Variants in HOOK1 observed in about 807,000 individuals in gnomAD.
HOOK1 encodes the protein protein Hook homolog 1.
In HOOK1, 60 loss-of-function variants were observed where a neutral mutation model predicts 112.8. That is an observed-to-expected ratio of 0.53 (90% confidence interval 0.43 to 0.66). The LOEUF is 0.66. Among genes scored for constraint, HOOK1 ranks in the 30% least tolerant of loss-of-function variants. HOOK1 has a pLI of 0.00. For synonymous variants in HOOK1, 294 were observed against 283.8 expected (o/e 1.04, Z -0.36); for missense variants, 770 against 856.0 (o/e 0.90, Z 1.25).
At chr1:59,840,419 A>G in intron 8 of HOOK1, 28 bp downstream of exon 8, 1 of 1,427,562 alleles carries the variant, frequency 7.0e-7, no homozygotes, top group Non-Finnish European at 9.4e-7. Flanking sequence ...GAGCTGAGAA[A>G]AACTTCCTCT....
chr1:59,854,916 A>G (rs1167914698), intron 12 of HOOK1, among the ~76,000 whole-genome samples: 1 of 152,208 alleles, frequency 6.6e-6, no homozygotes. Flanking sequence ...CAAGATATAC[A>G]AAGAAACAGG....
At chr1:59,854,670 GCTC>G (rs1411022080) in intron 12 of HOOK1, among the ~76,000 whole-genome samples, 1 of 152,002 alleles carries the variant, frequency 6.6e-6, no homozygotes, top group Non-Finnish European at 1.5e-5. Flanking sequence ...TCTTATTAAG[GCTC>G]CTTTTAAGTG....
At chr1:59,854,829 G>C (rs528495760) in intron 12 of HOOK1, among the ~76,000 whole-genome samples, 3 of 152,120 alleles carry the variant, frequency 2.0e-5, no homozygotes, top group African/African-American at 7.2e-5. Context: ...GTAGATTGAT[G>C]ATCCAAGGTT....
intron 2 of HOOK1, among the ~76,000 whole-genome samples, chr1:59,822,318 A>G (rs1037258917): frequency 2.0e-5 from 3 of 152,152 alleles, no homozygotes; most frequent in Admixed American, 6.5e-5. Flanking sequence ...CCGTGCATGG[A>G]GATTATTATC....
intron 15 of HOOK1, 51 bp from the exon 16 acceptor site, chr1:59,862,733 A>G (rs1463006326): frequency 3.6e-6 from 4 of 1,102,754 alleles, no homozygotes; most frequent in Non-Finnish European, 5.5e-6. Flanking sequence ...TAGATCCTTA[A>G]CTGCTTTGAC....
Position 59,821,903 on chromosome 1 carries a change from C to A in HOOK1, c.109C>A (p.Leu37Met). 6.2e-7 allele frequency: 1 copy of A among 1,608,898 alleles called. No individual in the cohort carries two copies. Among genetic ancestry groups the A allele is most frequent in the Non-Finnish European group, 8.5e-7 (1 of 1,178,174 alleles). The change falls in exon 2 of 22, where the codon CTG (leucine) becomes ATG (methionine). Residue 37 changes from leucine to methionine, a missense_variant. This residue lies in a region of HOOK1 where 655 missense variants were observed against 725.9 expected (regional missense o/e 0.90). Transcript: ENST00000371208. ...TASPCQDVKQ[L>M]TSGVAMAQVL... ...CTCACCTTGTCAAGATGTCAAACAG[C>A]TGACTAGTGGAGTTGCCATGGCACA...
rs1210980101 is a variant in HOOK1 at position 59,874,168 on chromosome 1, G to A, written c.*1203G>A. The A allele has an allele frequency of 1.3e-5, 2 of 152,082 alleles. No homozygotes were observed. Among genetic ancestry groups the A allele is most frequent in the Admixed American group, 6.5e-5 (1 of 15,268 alleles). The allele number at this position is 152,082 out of a possible 1,614,324, so 9.4% of individuals were successfully genotyped here. On this transcript the variant is annotated 3_prime_UTR_variant, in exon 22 of 22. Transcript: ENST00000371208. ...TAAACTCAGTCTCTTGGTTGCACCA[G>A]CCACATTTCAGATGCTCAATAGCCA...
intron 9 of HOOK1, 43 bp from the exon 10 acceptor site, chr1:59,847,002 A>AAATTATATAATTTGTTATAT: frequency 6.7e-7 from 1 of 1,501,794 alleles, no homozygotes; most frequent in Middle Eastern, 2.0e-4. Context: ...TAATTATAAC[A>AAATTATATAATTTGTTATAT]AATCATGGAA....
At chr1:59,837,059 T>C in intron 7 of HOOK1, 124 bp downstream of exon 7, 1 of 587,984 alleles carries the variant, frequency 1.7e-6, no homozygotes, top group Non-Finnish European at 3.0e-6. Context: ...ATTTGGTTTA[T>C]TCTTCTGCAT....
At chr1:59,823,525 A>G (rs575587757) in intron 2 of HOOK1, among the ~76,000 whole-genome samples, 21 of 151,334 alleles carry the variant, frequency 1.4e-4, no homozygotes, top group Admixed American at 1.1e-3. Context: ...ATGCAGCAAC[A>G]TTGTGGTTGG....
At chr1:59,823,699 T>C (rs1296620450) in intron 2 of HOOK1, among the ~76,000 whole-genome samples, 1 of 152,252 alleles carries the variant, frequency 6.6e-6, no homozygotes, top group African/African-American at 2.4e-5. Flanking sequence ...CCTCCTATGC[T>C]CTAGCACTGG....
rs375904470 is a variant in HOOK1, at chr1:59,872,989, C to CA, written c.*31dup. The CA allele has an allele frequency of 1.1e-4, 161 of 1,422,292 alleles. No individual in the cohort carries two copies. In the African/African-American group the frequency reaches 2.1e-3, roughly 18 times the overall value. 88.1% of individuals were successfully genotyped at this position (1,422,292 alleles called of 1,614,324 possible). ...AAACTGCAAAAAAAACAAAACAAAA[C>CA]AAAAAAACCACATAAAATAGAAGTG... On this transcript the variant is annotated 3_prime_UTR_variant, in exon 22 of 22. Coordinates refer to ENST00000371208, the MANE Select transcript of HOOK1 (RefSeq NM_015888.6).
chr1:59,815,599 C>G (rs2098380753), intron 1 of HOOK1, among the ~76,000 whole-genome samples: 1 of 151,962 alleles, frequency 6.6e-6, no homozygotes, highest in Admixed American at 6.6e-5. Context: ...AGACCCTTTC[C>G]GAAACCTAAC....
chr1:59,870,548 G>A (rs1368730180), intron 20 of HOOK1, among the ~76,000 whole-genome samples: 1 of 152,078 alleles, frequency 6.6e-6, no homozygotes, highest in African/African-American at 2.4e-5. Flanking sequence ...CAGTCTCTGT[G>A]ATGGCACATA....
Position 59,843,588 on chromosome 1 carries a change from G to T in HOOK1, c.778G>T (p.Glu260Ter). 2 of 1,594,812 alleles carry T rather than the reference G, an allele frequency of 1.3e-6. No homozygotes were observed. Among genetic ancestry groups the T allele is most frequent in the South Asian group, 1.1e-5 (1 of 86,986 alleles). The stretch of plus-strand genomic sequence containing the variant: ...ATTACAACTAGAACAATTACAGGAA[G>T]AAAACTTCAGGTAGCATTTTTAATG... ...AQLQLEQLQEENFRLEAAKDD... is the reference protein window; with the variant it reads ...AQLQLEQLQE Residue 260 changes from glutamate to a stop codon, truncating the protein, a stop_gained, in exon 9 of 22, where the codon GAA becomes TAA. Coordinates refer to ENST00000371208, the MANE Select transcript of HOOK1 (RefSeq NM_015888.6). LOFTEE classifies it high-confidence loss of function.
chr1:59,820,621 AATC>A (rs2098384916), intron 1 of HOOK1, among the ~76,000 whole-genome samples: 1 of 152,186 alleles, frequency 6.6e-6, no homozygotes, highest in South Asian at 2.1e-4. Context: ...TCCATTCAGA[AATC>A]ATCTCCGAGA....
chr1:59,832,135 T>C, intron 3 of HOOK1, 28 bp from the exon 4 acceptor site: 1 of 1,292,022 alleles, frequency 7.7e-7, no homozygotes, highest in African/African-American at 1.5e-5. Context: ...TAATCTGAAA[T>C]AAGAATCTCT....
At chr1:59,848,941 A>G (rs2294948) in intron 11 of HOOK1, 132 bp from the exon 12 acceptor site, 70,316 of 481,822 alleles carry the variant, frequency 0.15, 6,388 homozygotes, top group African/African-American at 0.34. Context: ...CAAGTATTTA[A>G]AATTAGACTG....
intron 7 of HOOK1, among the ~76,000 whole-genome samples, chr1:59,839,898 A>G (rs952159473): frequency 2.0e-5 from 3 of 152,188 alleles, no homozygotes; most frequent in Non-Finnish European, 4.4e-5. Flanking sequence ...TTTTAGCATG[A>G]AAGGCTGTTG....
Sources: gnomAD v4.1 joint callset for allele counts (sites outside exome capture counted in the v4.1 genomes callset) on GRCh38, gnomAD v4.1.1 for gene constraint, gnomAD v4.1.1 regional missense constraint, MANE v1.5 for transcripts, NCBI Gene and HGNC (gene_info 2026-07-23, HGNC 2026-07-21) for gene names.